The following SEC14L6 variants were observed in gnomAD, a reference collection of about 807,000 sequenced individuals.
The protein encoded by SEC14L6 is SEC14 like lipid binding 6.
SEC14L6 carries 40 observed loss-of-function variants against 54.1 expected under a neutral mutation model. The ratio of observed to expected loss-of-function variants is 0.74; its 90% CI spans 0.57 to 0.96. SEC14L6 has a LOEUF of 0.96. SEC14L6 is among the 40% of genes least tolerant of loss of function. The pLI is 0.00. For missense variants in SEC14L6, 471 were observed against 498.3 expected, an observed-to-expected ratio of 0.95 and a Z score of 0.52; for synonymous variants, 171 against 198.4, an observed-to-expected ratio of 0.86 and a Z score of 1.16.
intron 2 of SEC14L6, among the ~76,000 whole-genome samples, chr22:30,537,222 C>T (rs2085615847): frequency 6.6e-6 from 1 of 152,144 alleles, no homozygotes; most frequent in African/African-American, 2.4e-5. Context: ...TTGTACTAAA[C>T]TCCAGCACTA....
chr22:30,543,173 G>C, intron 1 of SEC14L6: 1 of 1,603,750 alleles, frequency 6.2e-7, no homozygotes, highest in Admixed American at 1.7e-5. Flanking sequence ...GACCCCGCAA[G>C]AGAGAGCGTG....
intron 2 of SEC14L6, 135 bp downstream of exon 2, chr22:30,538,692 A>T: frequency 1.5e-6 from 1 of 652,222 alleles, no homozygotes; most frequent in Non-Finnish European, 2.6e-6. Flanking sequence ...GGCCACAGAA[A>T]TCACGAGAGA....
chr22:30,525,250 C>T, intron 11 of SEC14L6, 100 bp downstream of exon 11: 1 of 1,452,872 alleles, frequency 6.9e-7, no homozygotes, highest in Non-Finnish European at 9.4e-7. Flanking sequence ...ACTGTGCCCA[C>T]CAGAACCAAG....
chr22:30,545,458 G>A (rs549569118), intron 1 of SEC14L6, among the ~76,000 whole-genome samples: 5 of 150,476 alleles, frequency 3.3e-5, no homozygotes, highest in African/African-American at 9.8e-5. Context: ...GCAGTGGCAC[G>A]ATGTTGGCTC....
rs556152125 is a variant in SEC14L6, at chr22:30,544,987, A to C, written c.54+1642T>G. On this transcript the variant is annotated intron_variant, in intron 1 of 11. Transcript: ENST00000402034. ...GGTCGCCACCCTTCTTTGCCCCGGG[A>C]ACCCCATCCCGGCACCTCCCACCCC... Among the ~76,000 whole-genome samples, 405 of 152,042 alleles carry C rather than the reference A, an allele frequency of 2.7e-3. 4 individuals carry two copies. Among genetic ancestry groups the C allele is most frequent in the African/African-American group, 9.2e-3 (382 of 41,484 alleles).
rs139587610 is a variant in SEC14L6 at position 30,531,280 on chromosome 22, C to T, written c.519+623G>A. On this transcript the variant is annotated intron_variant, in intron 6 of 11. Transcript: ENST00000402034. ...AAAATTAGCCGGGCGTGGTGGCAGG[C>T]GCCTTAATCCCAGCTACTCCGAAGG... 6.3e-4 allele frequency among the ~76,000 whole-genome samples: 96 copies of T among 151,640 alleles called. 3 individuals are homozygous for T. The East Asian group carries it at 0.016, about 26-fold the overall frequency.
rs5994313 is a variant in SEC14L6 at position 30,523,456 on chromosome 22, C to G, written c.*1541G>C. The G allele has an allele frequency of 0.37, 56,303 of 151,950 alleles. 10,862 individuals are homozygous for G. Among genetic ancestry groups the G allele is most frequent in the African/African-American group, 0.47 (19,569 of 41,392 alleles). The allele number at this position is 151,950 out of a possible 1,614,324, so 9.4% of individuals were successfully genotyped here. A position where few individuals can be genotyped will look rare whatever the true frequency, so the allele number is the denominator to read the frequency against. Reference sequence around the variant, plus strand: ...TGCAACCTCCGCCTCCTGGGTTCCACAGATTCTCCCACCTCAGCCTCCCAA... The same window carrying G: ...TGCAACCTCCGCCTCCTGGGTTCCAGAGATTCTCCCACCTCAGCCTCCCAA... On this transcript the variant is annotated 3_prime_UTR_variant, in exon 12 of 12. Transcript: ENST00000402034.
intron 1 of SEC14L6, among the ~76,000 whole-genome samples, chr22:30,545,167 A>C (rs1452514143): frequency 1.3e-5 from 2 of 152,124 alleles, no homozygotes; most frequent in Non-Finnish European, 1.5e-5. Context: ...AAGGACCTTC[A>C]AGGGACTCCT....
intron 2 of SEC14L6, among the ~76,000 whole-genome samples, chr22:30,535,255 T>TC: frequency 6.6e-6 from 1 of 152,338 alleles, no homozygotes; most frequent in Admixed American, 6.5e-5. Context: ...GTCAAAGCAG[T>TC]CCTCTGCCCT....
At chr22:30,525,275 A>G in intron 11 of SEC14L6, 75 bp downstream of exon 11, 1 of 1,522,186 alleles carries the variant, frequency 6.6e-7, no homozygotes, top group Non-Finnish European at 8.9e-7. Flanking sequence ...CTCACCTGGT[A>G]GGACCTGGAT....
Position 30,530,729 on chromosome 22 carries a change from C to A in SEC14L6, c.519+1174G>T, listed in dbSNP as rs754273211. Among the ~76,000 whole-genome samples the A allele has an allele frequency of 7.9e-5, 12 of 152,232 alleles. 1 individual carries two copies. Among genetic ancestry groups the A allele is most frequent in the Non-Finnish European group, 1.2e-4 (8 of 68,048 alleles). ...CAATAACATTTTTTATGTTTAAGTT[C>A]TTTGCTGTCCTGGGTGAAACAGAAA... On this transcript the variant is annotated intron_variant, in intron 6 of 11. Coordinates refer to ENST00000402034, the MANE Select transcript of SEC14L6 (RefSeq NM_001193336.4).
chr22:30,542,129 C>G (rs1173344759), intron 1 of SEC14L6, among the ~76,000 whole-genome samples: 1 of 152,160 alleles, frequency 6.6e-6, no homozygotes, highest in Non-Finnish European at 1.5e-5. Flanking sequence ...CACACCGCGA[C>G]CCTCCCCATC....
intron 1 of SEC14L6, chr22:30,543,214 G>T: frequency 6.2e-7 from 1 of 1,603,514 alleles, no homozygotes; most frequent in Admixed American, 1.7e-5. Flanking sequence ...AGCCAATGTG[G>T]TGCTGACCCG....
chr22:30,539,996 C>T (rs951267270), intron 1 of SEC14L6, among the ~76,000 whole-genome samples: 1 of 152,260 alleles, frequency 6.6e-6, no homozygotes, highest in African/African-American at 2.4e-5. Context: ...GACAAAGAGT[C>T]AGCAGGTCCC....
chr22:30,534,461 G>A (rs941438846), intron 2 of SEC14L6, among the ~76,000 whole-genome samples: 3 of 151,402 alleles, frequency 2.0e-5, no homozygotes, highest in Middle Eastern at 3.4e-3. Flanking sequence ...ACCCAGGCTG[G>A]AGTGCAGTGG....
intron 1 of SEC14L6, 87 bp from the exon 2 acceptor site, chr22:30,538,989 T>C (rs1453947358): frequency 1.0e-5 from 9 of 901,468 alleles, no homozygotes; most frequent in Non-Finnish European, 1.6e-5. Context: ...AGGGGATGTC[T>C]GAGTGAAGAG....
chr22:30,530,904 G>A (rs1270451927), intron 6 of SEC14L6, among the ~76,000 whole-genome samples: 1 of 152,202 alleles, frequency 6.6e-6, no homozygotes, highest in Admixed American at 6.5e-5. Flanking sequence ...GGGTAGGCAG[G>A]TATTGGGGGT....
At chr22:30,531,282 C>G (rs1936961082) in intron 6 of SEC14L6, among the ~76,000 whole-genome samples, 1 of 151,772 alleles carries the variant, frequency 6.6e-6, no homozygotes, top group East Asian at 1.9e-4. Context: ...GTGGCAGGCG[C>G]CTTAATCCCA....
At position 30,525,526 on chromosome 22, in the gene SEC14L6, T is replaced by C. The variant is rs1427225915; in HGVS notation, c.912-7A>G. On this transcript the variant is annotated splice_polypyrimidine_tract_variant and splice_region_variant and intron_variant, in intron 10 of 11. Coordinates refer to ENST00000402034, the MANE Select transcript of SEC14L6 (RefSeq NM_001193336.4). ...ATCTGAAGCAAACTGCCACCTGCAG[T>C]GGATAGAGCCCCATTGGCGACCCCC... is the stretch of plus-strand genomic sequence containing the variant. 1.2e-6 allele frequency: 2 copies of C among 1,613,538 alleles called. No individual in the cohort carries two copies. The highest frequency in any genetic ancestry group is 2.2e-5 in the South Asian group (2 of 91,060).
Sources: gnomAD v4.1 joint callset for allele counts (sites outside exome capture counted in the v4.1 genomes callset) on GRCh38, gnomAD v4.1.1 for gene constraint, MANE v1.5 for transcripts, NCBI Gene and HGNC (gene_info 2026-07-23, HGNC 2026-07-21) for gene names.